PIEZO2: variants seen among roughly 807,000 people sequenced by gnomAD.
The protein encoded by PIEZO2 is piezo-type mechanosensitive ion channel component 2.
PIEZO2 carries 172 observed loss-of-function variants against 337.3 expected under a neutral mutation model. The ratio of observed to expected loss-of-function variants is 0.51; its 90% CI spans 0.45 to 0.58. The LOEUF (loss-of-function observed/expected upper bound fraction) is 0.58. Among genes scored for constraint, PIEZO2 ranks in the 20% least tolerant of loss-of-function variants. PIEZO2 has a pLI of 0.00. For missense variants in PIEZO2, 3,028 were observed against 3,391.3 expected (o/e 0.89, Z 2.66); for synonymous variants, 1,251 against 1,228.5 (o/e 1.02, Z -0.38).
rs2039427783 is a variant in PIEZO2, at chr18:11,101,790, C to T, written c.65-35568G>A. Reference sequence around the variant, plus strand: ...AAATATCCTGAGGAAAAATGTAGACCCCGACCAGGCAGAAGGCCTCGGCTA... The same window carrying T: ...AAATATCCTGAGGAAAAATGTAGACTCCGACCAGGCAGAAGGCCTCGGCTA... On this transcript the variant is annotated intron_variant, in intron 1 of 55. Transcript: ENST00000674853. The surrounding 1 kb of genome is among the most constrained non-coding windows in gnomAD (Gnocchi z 4.4). Among the ~76,000 whole-genome samples the T allele has an allele frequency of 6.6e-6, 1 of 151,994 alleles. No homozygotes were observed. Among genetic ancestry groups the T allele is most frequent in the Non-Finnish European group, 1.5e-5 (1 of 68,014 alleles).
intron 2 of PIEZO2, among the ~76,000 whole-genome samples, chr18:11,013,679 A>G (rs1216078360): frequency 6.6e-6 from 1 of 152,134 alleles, no homozygotes; most frequent in Non-Finnish European, 1.5e-5. Context: ...TGGTGGTGAA[A>G]AATGAGATGC....
At chr18:11,034,799 C>G (rs564624390) in intron 2 of PIEZO2, among the ~76,000 whole-genome samples, 1 of 152,040 alleles carries the variant, frequency 6.6e-6, no homozygotes, top group Non-Finnish European at 1.5e-5. Context: ...GAGCCAAGAC[C>G]GCGCCATTGC....
chr18:11,018,087 G>A (rs896497586), intron 2 of PIEZO2, among the ~76,000 whole-genome samples: 5 of 152,108 alleles, frequency 3.3e-5, no homozygotes, highest in African/African-American at 9.7e-5. Context: ...GAAGGCTTTA[G>A]TGTAGAATTG....
chr18:11,014,809 C>A (rs2660267), intron 2 of PIEZO2, among the ~76,000 whole-genome samples: 1 of 135,278 alleles, frequency 7.4e-6, no homozygotes, highest in Non-Finnish European at 1.6e-5. Flanking sequence ...GGTGGGACAG[C>A]GATCCGGGGC....
Position 10,833,867 on chromosome 18 carries a change from G to C in PIEZO2, c.917+21486C>G, listed in dbSNP as rs188500158. On this transcript the variant is annotated intron_variant, in intron 7 of 55. Coordinates refer to ENST00000674853, the MANE Select transcript of PIEZO2 (RefSeq NM_001378183.1). The surrounding 1 kb of genome is among the most constrained non-coding windows in gnomAD (Gnocchi z 4.7). Reference sequence around the variant, plus strand: ...AGCCAAGGTTGCCCTTGTCAACACAGGCTTGGCCCTGGACCACATTCCTCC... The same window carrying C: ...AGCCAAGGTTGCCCTTGTCAACACACGCTTGGCCCTGGACCACATTCCTCC... Among the ~76,000 whole-genome samples the C allele has an allele frequency of 6.6e-6, 1 of 152,360 alleles. No homozygotes were observed. Among genetic ancestry groups the C allele is most frequent in the African/African-American group, 2.4e-5 (1 of 41,596 alleles).
At chr18:10,675,812 A>G (rs2033974031) in intron 53 of PIEZO2, among the ~76,000 whole-genome samples, 4 of 152,228 alleles carry the variant, frequency 2.6e-5, no homozygotes, top group Admixed American at 2.6e-4. Context: ...CTCCATCATC[A>G]TGCTGTTCTT....
intron 5 of PIEZO2, 116 bp from the exon 6 acceptor site, chr18:10,857,327 A>C: frequency 1.2e-6 from 1 of 868,568 alleles, no homozygotes; most frequent in Non-Finnish European, 1.8e-6. Context: ...CAGATCAGGA[A>C]AAAAGGGAAG....
At chr18:10,735,545 T>C (rs2036962169) in intron 34 of PIEZO2, among the ~76,000 whole-genome samples, 1 of 152,162 alleles carries the variant, frequency 6.6e-6, no homozygotes, top group African/African-American at 2.4e-5. Flanking sequence ...AGTGAAGATG[T>C]TCATGTTCTC....
At chr18:10,966,331 C>T (rs1052830744) in intron 3 of PIEZO2, among the ~76,000 whole-genome samples, 2 of 152,194 alleles carry the variant, frequency 1.3e-5, no homozygotes. Flanking sequence ...ATCATCGCCA[C>T]CCTAGCTAAA....
intron 1 of PIEZO2, among the ~76,000 whole-genome samples, chr18:11,123,799 G>T (rs925536924): frequency 6.9e-6 from 1 of 144,620 alleles, no homozygotes; most frequent in African/African-American, 2.8e-5. Flanking sequence ...GAGAGAGGGA[G>T]ACTCCGTCTC....
At position 10,773,405 on chromosome 18, in the gene PIEZO2, T is replaced by C. The variant is rs759645484; in HGVS notation, c.2785+7A>G. 1.2e-5 allele frequency: 18 copies of C among 1,537,144 alleles called. No individual in the cohort carries two copies. Among genetic ancestry groups the C allele is most frequent in the East Asian group, 2.4e-5 (1 of 40,938 alleles). ...CTCTGACCAGCTGCTGGTAGTGGGC[T>C]GATTACCTGATGTTTCTTCCTCCTC... On this transcript the variant is annotated splice_region_variant and intron_variant, in intron 20 of 55. Coordinates refer to ENST00000674853, the MANE Select transcript of PIEZO2 (RefSeq NM_001378183.1). The surrounding 1 kb of genome is among the most constrained non-coding windows in gnomAD (Gnocchi z 5.3).
At position 10,775,694 on chromosome 18, in the gene PIEZO2, C is replaced by T. The variant is rs77210660; in HGVS notation, c.2535-1656G>A. ...CAGGCAGGGTGCATTGAGGAGAGAT[C>T]GTTCAATGAAAGAATCAGAGGAAGA... On this transcript the variant is annotated intron_variant, in intron 18 of 55. Coordinates refer to ENST00000674853, the MANE Select transcript of PIEZO2 (RefSeq NM_001378183.1). This position sits in a 1 kb window ranked among gnomAD's most constrained non-coding sequence, Gnocchi z 4.3. Among the ~76,000 whole-genome samples, 1,011 of 152,234 alleles carry T rather than the reference C, an allele frequency of 6.6e-3. 3 individuals carry two copies. Among genetic ancestry groups the T allele is most frequent in the Non-Finnish European group, 0.012 (800 of 68,000 alleles).
intron 7 of PIEZO2, among the ~76,000 whole-genome samples, chr18:10,808,276 G>C (rs1198635308): frequency 6.6e-6 from 1 of 152,056 alleles, no homozygotes; most frequent in Non-Finnish European, 1.5e-5. Context: ...ATTACTTGTA[G>C]AGACAAAGTC....
intron 1 of PIEZO2, among the ~76,000 whole-genome samples, chr18:11,124,773 T>C (rs530142581): frequency 1.3e-5 from 2 of 152,218 alleles, no homozygotes; most frequent in East Asian, 1.9e-4. Context: ...CCCCTTTACC[T>C]GCCCCTCAGA....
chr18:11,059,204 G>A (rs531290215), intron 2 of PIEZO2, among the ~76,000 whole-genome samples: 11 of 147,734 alleles, frequency 7.4e-5, no homozygotes, highest in South Asian at 4.6e-4. Context: ...ACAAGCAAAT[G>A]CTGAGAGATT....
At chr18:10,804,574 A>G (rs1255683353) in intron 8 of PIEZO2, among the ~76,000 whole-genome samples, 1 of 152,238 alleles carries the variant, frequency 6.6e-6, no homozygotes, top group African/African-American at 2.4e-5. Context: ...GCAGTCAGGC[A>G]TCACTGATAC....
chr18:10,691,192 C>T (rs377756953), intron 48 of PIEZO2, 33 bp downstream of exon 48: 11 of 1,602,606 alleles, frequency 6.9e-6, no homozygotes, highest in Admixed American at 5.1e-5. Flanking sequence ...ATTCTTCCCC[C>T]ATAAGTGACT....
intron 7 of PIEZO2, among the ~76,000 whole-genome samples, chr18:10,852,217 G>C (rs572388357): frequency 6.6e-6 from 1 of 152,090 alleles, no homozygotes; most frequent in Non-Finnish European, 1.5e-5. Flanking sequence ...TATTAAAGAG[G>C]CTCCCCAGTT....
rs563369174 is a variant in PIEZO2 at position 10,872,854 on chromosome 18, TAGGG to T, written c.330-1443_330-1440del. ...TTAGGTTTACAAAATGAGTTTAAAATAGGGAGGATACAGGTAGAGGAGTCAAGAG... is the reference window on the plus strand; with the variant it reads ...TTAGGTTTACAAAATGAGTTTAAAATAGGATACAGGTAGAGGAGTCAAGAG... On this transcript the variant is annotated intron_variant, in intron 4 of 55. Coordinates refer to ENST00000674853, the MANE Select transcript of PIEZO2 (RefSeq NM_001378183.1). This position sits in a 1 kb window ranked among gnomAD's most constrained non-coding sequence, Gnocchi z 4.3. Among the ~76,000 whole-genome samples, 11 of 152,216 alleles carry T rather than the reference TAGGG, an allele frequency of 7.2e-5. No homozygotes were observed. The South Asian group carries it at 2.3e-3, about 32-fold the overall frequency.
Sources: allele counts gnomAD v4.1 joint callset (sites outside exome capture counted in the v4.1 genomes callset), GRCh38; gene constraint gnomAD v4.1.1; non-coding constraint Gnocchi (gnomAD v3.1); transcripts MANE v1.5; gene names NCBI Gene and HGNC (gene_info 2026-07-23, HGNC 2026-07-21).